Variants in TAFA2 observed in about 807,000 individuals in gnomAD.
TAFA2 encodes the protein chemokine-like protein TAFA-2.
A neutral mutation model predicts 18.8 loss-of-function variants in TAFA2; 7 were observed. The observed-to-expected ratio is 0.37, with a 90% CI of 0.21 to 0.70. The LOEUF (loss-of-function observed/expected upper bound fraction) is 0.70, where lower values mean the gene tolerates loss of function less well. Among genes scored for constraint, TAFA2 ranks in the 30% least tolerant of loss-of-function variants. TAFA2 has a pLI of 0.53. For synonymous variants in TAFA2, 60 were observed against 54.2 expected (o/e 1.11, Z -0.47); for missense variants, 122 against 158.1 (o/e 0.77, Z 1.23).
chr12:62,008,795 C>T (rs1880639588), intron 1 of TAFA2, among the ~76,000 whole-genome samples: 1 of 152,142 alleles, frequency 6.6e-6, no homozygotes, highest in South Asian at 2.1e-4. Context: ...TGACAAATGC[C>T]TGACACTATC....
intron 1 of TAFA2, chr12:61,879,763 T>G (rs577402951): frequency 2.2e-6 from 3 of 1,378,278 alleles, no homozygotes; most frequent in Non-Finnish European, 3.1e-6. Flanking sequence ...TCAACAACCT[T>G]AGGTGGCAGC....
rs576246677 is a variant in TAFA2 at position 62,244,477 on chromosome 12, A to G, written c.-130+14286T>C. Reference sequence around the variant, plus strand: ...TGCAACAGTTTATTAAACCATCCACAATCGTTTACTATTTGATTTACTTCC... The same window carrying G: ...TGCAACAGTTTATTAAACCATCCACGATCGTTTACTATTTGATTTACTTCC... On this transcript the variant is annotated intron_variant, in intron 1 of 5. Transcript: ENST00000551619. Among the ~76,000 whole-genome samples, 71 of 152,270 alleles carry G rather than the reference A, an allele frequency of 4.7e-4. 1 individual carries two copies. In the South Asian group the frequency reaches 7.9e-3, roughly 17 times the overall value.
chr12:61,757,811 C>A (rs956287112), intron 2 of TAFA2, among the ~76,000 whole-genome samples: 1 of 151,864 alleles, frequency 6.6e-6, no homozygotes, highest in Non-Finnish European at 1.5e-5. Flanking sequence ...GTTGAAAGGT[C>A]CAATTAAAAG....
In TAFA2 at chr12:62,233,066, CTTTTTTTTTTTTT is replaced by C. The variant is rs34781688; in HGVS notation, c.-130+25684_-130+25696del. Among the ~76,000 whole-genome samples, 40 of 39,578 alleles carry C rather than the reference CTTTTTTTTTTTTT, an allele frequency of 1.0e-3. 1 individual carries two copies. Among genetic ancestry groups the C allele is most frequent in the African/African-American group, 2.7e-3 (29 of 10,604 alleles). 26.0% of individuals were successfully genotyped at this position (39,578 alleles called of 152,430 possible). A position where few individuals can be genotyped will look rare whatever the true frequency, so the allele number is the denominator to read the frequency against. On this transcript the variant is annotated intron_variant, in intron 1 of 5. Transcript: ENST00000551619. ...TGTCCTCCCAGCAATTTCTGCATCT[CTTTTTTTTTTTTT>C]TTTTTTTTTTTTTTTTTTTGAGATA...
chr12:61,823,220 TG>T (rs1238440875), intron 2 of TAFA2, among the ~76,000 whole-genome samples: 1 of 152,098 alleles, frequency 6.6e-6, no homozygotes, highest in East Asian at 1.9e-4. Context: ...TTGTCCAGGC[TG>T]GAGTGCAGTG....
chr12:61,824,111 T>C (rs371161036), intron 2 of TAFA2, among the ~76,000 whole-genome samples: 1 of 152,178 alleles, frequency 6.6e-6, no homozygotes, highest in Non-Finnish European at 1.5e-5. Context: ...CAAGTAGAAA[T>C]GGACACTACA....
chr12:62,239,060 T>C (rs1453017422), intron 1 of TAFA2, among the ~76,000 whole-genome samples: 1 of 152,222 alleles, frequency 6.6e-6, no homozygotes, highest in African/African-American at 2.4e-5. Flanking sequence ...TTCACAGAAT[T>C]TCTCTTTCCA....
intron 1 of TAFA2, among the ~76,000 whole-genome samples, chr12:62,044,829 G>A (rs1034340316): frequency 6.6e-6 from 1 of 152,076 alleles, no homozygotes; most frequent in Non-Finnish European, 1.5e-5. Context: ...AAAAATGAAG[G>A]CAAACGATCA....
At chr12:61,944,172 C>A (rs1327137543) in intron 1 of TAFA2, among the ~76,000 whole-genome samples, 448 of 143,350 alleles carry the variant, frequency 3.1e-3, no homozygotes, top group African/African-American at 0.011. Flanking sequence ...GCTCAACTAC[C>A]TGGAAACTGA....
chr12:62,096,433 C>T (rs897475836), intron 1 of TAFA2, among the ~76,000 whole-genome samples: 3 of 152,062 alleles, frequency 2.0e-5, no homozygotes, highest in Admixed American at 1.3e-4. Context: ...CAACAGGATC[C>T]TATTCATAAA....
At chr12:62,132,600 A>T (rs1870736359) in intron 1 of TAFA2, among the ~76,000 whole-genome samples, 1 of 152,042 alleles carries the variant, frequency 6.6e-6, no homozygotes, top group Non-Finnish European at 1.5e-5. Context: ...AGAAATAAAC[A>T]AAAGTAATTT....
chr12:61,755,144 G>A (rs984061460), intron 2 of TAFA2, 120 bp from the exon 3 acceptor site: 40 of 820,462 alleles, frequency 4.9e-5, no homozygotes, highest in Non-Finnish European at 6.3e-5. Flanking sequence ...GGCATGAAAC[G>A]AGAAATACAA....
intron 1 of TAFA2, among the ~76,000 whole-genome samples, chr12:62,098,502 G>T (rs78158679): frequency 0.056 from 8,241 of 146,898 alleles, 334 homozygotes; most frequent in Non-Finnish European, 0.085. Context: ...TAGACATTTA[G>T]GTTAAAAACA....
intron 1 of TAFA2, among the ~76,000 whole-genome samples, chr12:62,010,909 CGGCCGCCCTTCGTCTGGG>C (rs1880731005): frequency 3.6e-5 from 4 of 109,868 alleles, no homozygotes; most frequent in Non-Finnish European, 5.7e-5. Context: ...CGCCTCTGCC[CGGCCGCCCTTCGTCTGGG>C]AGGTGGGGAG....
chr12:62,234,445 C>T, intron 1 of TAFA2: 1 of 837,668 alleles, frequency 1.2e-6, no homozygotes, highest in Middle Eastern at 2.3e-4. Context: ...GTCTGAGGGT[C>T]CTGGCCAATG....
In TAFA2 at chr12:61,836,151, C is replaced by T. The variant is rs192339408; in HGVS notation, c.106+31169G>A. On this transcript the variant is annotated intron_variant, in intron 2 of 4. Transcript: ENST00000416284. ...AGTTACCGAGAAAAAGTTTTATGTG[C>T]CCCCAAACCTATTTATATCAGTTGT... Among the ~76,000 whole-genome samples the T allele has an allele frequency of 4.6e-5, 7 of 151,838 alleles. 1 individual carries two copies. The highest frequency in any genetic ancestry group is 3.9e-4 in the East Asian group (2 of 5,144).
At chr12:62,062,958 C>G (rs1218437544) in intron 1 of TAFA2, among the ~76,000 whole-genome samples, 1 of 152,064 alleles carries the variant, frequency 6.6e-6, no homozygotes, top group Non-Finnish European at 1.5e-5. Context: ...TTTCTTCTTT[C>G]TCTTTCTGTC....
chr12:61,822,045 A>T (rs1039167009), intron 2 of TAFA2, among the ~76,000 whole-genome samples: 8 of 152,174 alleles, frequency 5.3e-5, no homozygotes, highest in Non-Finnish European at 1.2e-4. Context: ...AAGAAATGTT[A>T]TGATAGGCAT....
chr12:61,859,463 A>T (rs1874030680), intron 2 of TAFA2, among the ~76,000 whole-genome samples: 1 of 101,636 alleles, frequency 9.8e-6, no homozygotes, highest in Non-Finnish European at 2.4e-5. Context: ...TTTGATTTTG[A>T]GATGGAGTCT....
Sources: allele counts gnomAD v4.1 joint callset (sites outside exome capture counted in the v4.1 genomes callset), GRCh38; gene constraint gnomAD v4.1.1; transcripts MANE v1.5; gene names NCBI Gene and HGNC (gene_info 2026-07-23, HGNC 2026-07-21).